TLK2: variants seen among roughly 807,000 people sequenced by gnomAD.
TLK2 encodes tousled like kinase 2, also known as serine/threonine-protein kinase tousled-like 2.
TLK2 carries 6 observed loss-of-function variants against 117.3 expected under a neutral mutation model. The observed-to-expected ratio is 0.05, with a 90% CI of 0.03 to 0.10. The LOEUF (loss-of-function observed/expected upper bound fraction) is 0.10, where lower values mean the gene tolerates loss of function less well. TLK2 is among the 10% of genes least tolerant of loss of function. TLK2 has a pLI of 1.00. For synonymous variants in TLK2, 257 were observed against 316.7 expected (o/e 0.81, Z 2.00); for missense variants, 299 against 901.2 (o/e 0.33, Z 8.56).
chr17:62,529,133 G>A (rs1414807820), intron 6 of TLK2, among the ~76,000 whole-genome samples: 3 of 152,012 alleles, frequency 2.0e-5, no homozygotes, highest in Non-Finnish European at 4.4e-5. Context: ...TGTATCTCTC[G>A]CTGTGATTGT....
intron 16 of TLK2, among the ~76,000 whole-genome samples, chr17:62,590,633 G>A (rs979502071): frequency 2.0e-5 from 3 of 152,124 alleles, no homozygotes; most frequent in Non-Finnish European, 2.9e-5. Context: ...ACCTCCTTCA[G>A]GGCACATGAG....
intron 5 of TLK2, 95 bp from the exon 6 acceptor site, chr17:62,524,141 A>G (rs1391356078): frequency 4.8e-6 from 4 of 831,240 alleles, no homozygotes. Flanking sequence ...GGGGCCATAT[A>G]ATTAAGATCT....
At chr17:62,488,653 T>G (rs1459836309) in intron 2 of TLK2, among the ~76,000 whole-genome samples, 2 of 152,248 alleles carry the variant, frequency 1.3e-5, no homozygotes, top group Non-Finnish European at 2.9e-5. Flanking sequence ...TGCTACTGCC[T>G]TAATCCAGAC....
intron 5 of TLK2, 84 bp downstream of exon 5, chr17:62,523,261 C>CT: frequency 6.6e-7 from 1 of 1,521,096 alleles, no homozygotes; most frequent in South Asian, 1.3e-5. Context: ...ACCCTAAATC[C>CT]TTGTGTTCAT....
At chr17:62,489,862 G>A (rs1014320935) in intron 2 of TLK2, among the ~76,000 whole-genome samples, 1 of 152,012 alleles carries the variant, frequency 6.6e-6, no homozygotes, top group Non-Finnish European at 1.5e-5. Context: ...TTGAGATGGA[G>A]TCAACTTGCC....
chr17:62,478,977 C>A lies in TLK2; in HGVS notation c.-319C>A, dbSNP rs1253646427. On this transcript the variant is annotated 5_prime_UTR_variant, in exon 1 of 22. Coordinates refer to ENST00000346027, the MANE Select transcript of TLK2 (RefSeq NM_006852.6). ...CTGGCCCGGCCTGGGCCCTCCTGCG[C>A]CTCCCTTGGCCTTTGTCCGGCGCCA... The A allele has an allele frequency of 6.6e-6, 1 of 150,856 alleles. No individual in the cohort carries two copies. The highest frequency in any genetic ancestry group is 2.4e-5 in the African/African-American group (1 of 41,354). The allele number at this position is 150,856 out of a possible 1,614,324, so 9.3% of individuals were successfully genotyped here. A position where few individuals can be genotyped will look rare whatever the true frequency, so the allele number is the denominator to read the frequency against.
At chr17:62,562,624 G>C (rs887789664) in intron 10 of TLK2, among the ~76,000 whole-genome samples, 3 of 152,142 alleles carry the variant, frequency 2.0e-5, no homozygotes, top group African/African-American at 7.2e-5. Flanking sequence ...TACAAACCCA[G>C]TAGAATGACT....
In TLK2 at chr17:62,478,969, CTCCTGCGCCTCCCTTGGCCTTTG is replaced by C. The variant is rs1397049514; in HGVS notation, c.-323_-301del. ...CCCACCTCCTGGCCCGGCCTGGGCC[CTCCTGCGCCTCCCTTGGCCTTTG>C]TCCGGCGCCAGGAGGCCGGTCCCGC... On this transcript the variant is annotated 5_prime_UTR_variant, in exon 1 of 22. Coordinates refer to ENST00000346027, the MANE Select transcript of TLK2 (RefSeq NM_006852.6). 6.6e-6 allele frequency: 1 copy of C among 151,102 alleles called. No individual in the cohort carries two copies. The highest frequency in any genetic ancestry group is 1.5e-5 in the Non-Finnish European group (1 of 67,594). The allele number at this position is 151,102 out of a possible 1,614,324, so 9.4% of individuals were successfully genotyped here.
At chr17:62,523,315 A>G in intron 5 of TLK2, 138 bp downstream of exon 5, 2 of 1,207,142 alleles carry the variant, frequency 1.7e-6, no homozygotes, top group African/African-American at 1.6e-5. Flanking sequence ...GAGGTGGCTT[A>G]TGCTTGTAAT....
chr17:62,530,385 C>T (rs1464326814), intron 6 of TLK2, among the ~76,000 whole-genome samples: 2 of 152,086 alleles, frequency 1.3e-5, no homozygotes, highest in African/African-American at 2.4e-5. Context: ...GAGGATTCCT[C>T]GAGCCTAGGA....
At chr17:62,603,978 A>C (rs1405559425) in intron 19 of TLK2, among the ~76,000 whole-genome samples, 2 of 54,090 alleles carry the variant, frequency 3.7e-5, no homozygotes, top group East Asian at 2.9e-4. Flanking sequence ...TACTTTATTT[A>C]TTTATTTATT....
At chr17:62,485,353 A>G (rs1372865288) in intron 2 of TLK2, among the ~76,000 whole-genome samples, 3 of 152,212 alleles carry the variant, frequency 2.0e-5, no homozygotes, top group Non-Finnish European at 4.4e-5. Flanking sequence ...CTTCTGTTGT[A>G]TAACTTTCGA....
At chr17:62,595,505 G>C (rs894597353) in intron 16 of TLK2, among the ~76,000 whole-genome samples, 3 of 151,760 alleles carry the variant, frequency 2.0e-5, no homozygotes, top group African/African-American at 7.3e-5. Context: ...GCATTGTGTG[G>C]TGACATCATG....
chr17:62,576,899 A>T (rs1280381590), intron 13 of TLK2, 124 bp downstream of exon 13: 1 of 656,694 alleles, frequency 1.5e-6, no homozygotes, highest in Non-Finnish European at 2.7e-6. Flanking sequence ...AGCTTCAGTG[A>T]CTGCTTTCAC....
intron 11 of TLK2, among the ~76,000 whole-genome samples, chr17:62,566,897 A>G (rs2079839444): frequency 6.6e-6 from 1 of 152,152 alleles, no homozygotes; most frequent in Non-Finnish European, 1.5e-5. Flanking sequence ...TGATTCAGGA[A>G]AGATGGTGAG....
At chr17:62,606,081 A>C (rs2083281892) in intron 19 of TLK2, 49 bp from the exon 20 acceptor site, 1 of 854,668 alleles carries the variant, frequency 1.2e-6, no homozygotes, top group Non-Finnish European at 1.8e-6. Context: ...ACATGTCTTA[A>C]ACTTATATGA....
intron 2 of TLK2, among the ~76,000 whole-genome samples, chr17:62,485,634 T>C (rs1261226248): frequency 6.6e-6 from 1 of 152,100 alleles, no homozygotes; most frequent in Non-Finnish European, 1.5e-5. Flanking sequence ...ACTATTTGGT[T>C]TTTGTTTAAA....
chr17:62,604,626 G>T (rs2083124974), intron 19 of TLK2, among the ~76,000 whole-genome samples: 1 of 151,982 alleles, frequency 6.6e-6, no homozygotes. Context: ...TAAAAATCTT[G>T]CTAGCCAGGT....
intron 10 of TLK2, among the ~76,000 whole-genome samples, chr17:62,560,661 A>ATT (rs550051831): frequency 5.7e-5 from 8 of 140,334 alleles, no homozygotes; most frequent in South Asian, 2.3e-4. Flanking sequence ...AACTATTAGA[A>ATT]TTTTTTTTTT....
Sources: allele counts gnomAD v4.1 joint callset (sites outside exome capture counted in the v4.1 genomes callset), GRCh38; gene constraint gnomAD v4.1.1; transcripts MANE v1.5; gene names NCBI Gene and HGNC (gene_info 2026-07-23, HGNC 2026-07-21).